The following LRRC4C variants were observed in gnomAD, a reference collection of about 807,000 sequenced individuals.
The protein encoded by LRRC4C is leucine rich repeat containing 4C.
A neutral mutation model predicts 33.6 loss-of-function variants in LRRC4C; 5 were observed. The ratio of observed to expected loss-of-function variants is 0.15; its 90% CI spans 0.08 to 0.31. LRRC4C has a LOEUF of 0.31. LRRC4C is among the 10% of genes least tolerant of loss of function. The pLI, the probability that LRRC4C is intolerant of heterozygous loss-of-function variation, is 1.00. For synonymous variants in LRRC4C, 329 were observed against 302.0 expected, an observed-to-expected ratio of 1.09 and a Z score of -0.93; for missense variants, 560 against 796.7, an observed-to-expected ratio of 0.70 and a Z score of 3.58.
rs143585047 is a variant in LRRC4C, at chr11:41,272,905, C to A, written c.-496+186526G>T. 5.2e-3 allele frequency among the ~76,000 whole-genome samples: 785 copies of A among 152,156 alleles called. 2 individuals carry two copies. The highest frequency in any genetic ancestry group is 7.8e-3 in the Non-Finnish European group (533 of 67,994). On this transcript the variant is annotated intron_variant, in intron 1 of 6. Transcript: ENST00000528697. ...AATATCTGTGACCAGCTGCATGAAG[C>A]AATTAAGAGTCACAGCCTGGCCAGT...
At chr11:40,696,327 A>G (rs919600875) in intron 2 of LRRC4C, among the ~76,000 whole-genome samples, 2 of 142,900 alleles carry the variant, frequency 1.4e-5, no homozygotes, top group Non-Finnish European at 3.0e-5. Context: ...TATATATATG[A>G]GTATATATAT....
chr11:40,428,234 T>A lies in LRRC4C; in HGVS notation c.-269-108513A>T, dbSNP rs150432072. The stretch of plus-strand genomic sequence containing the variant: ...TAATTGTCAGCCTTGGATTAGACAA[T>A]CTTGATTCCCTAAGCGGCTACACAG... On this transcript the variant is annotated intron_variant, in intron 3 of 6. Coordinates refer to ENST00000528697, the MANE Select transcript of LRRC4C (RefSeq NM_001258419.2). Among the ~76,000 whole-genome samples, 7 of 152,310 alleles carry A rather than the reference T, an allele frequency of 4.6e-5. No individual in the cohort carries two copies. The East Asian group carries it at 1.3e-3, about 29-fold the overall frequency.
chr11:40,943,577 A>C lies in LRRC4C; in HGVS notation c.-495-9854T>G, dbSNP rs564782924. On this transcript the variant is annotated intron_variant, in intron 1 of 6. Transcript: ENST00000528697. ...TTTGCCCCAAGAGAGGTTTTTATTC[A>C]GTTCATTTAGACAGAGTATTACAGC... 3.3e-5 allele frequency among the ~76,000 whole-genome samples: 5 copies of C among 152,286 alleles called. No homozygotes were observed. In the East Asian group the frequency reaches 9.6e-4, roughly 29 times the overall value.
chr11:40,443,829 A>C (rs1005940804), intron 3 of LRRC4C, among the ~76,000 whole-genome samples: 3 of 152,192 alleles, frequency 2.0e-5, no homozygotes, highest in African/African-American at 7.2e-5. Context: ...TGACATTCAC[A>C]TTTTGAGAGT....
At chr11:40,847,466 T>C (rs189308406) in intron 2 of LRRC4C, among the ~76,000 whole-genome samples, 1 of 152,334 alleles carries the variant, frequency 6.6e-6, no homozygotes, top group African/African-American at 2.4e-5. Context: ...TCTGCGTATG[T>C]TGAACCAGAC....
At chr11:40,860,446 AAATTAAGATGTCAGTGGAAACATGTTTC>A in intron 2 of LRRC4C, among the ~76,000 whole-genome samples, 1 of 145,294 alleles carries the variant, frequency 6.9e-6, no homozygotes, top group Non-Finnish European at 1.5e-5. Flanking sequence ...GTTTCCTCTG[AAATTAAGATGTCAGTGGAAACATGTTTC>A]CTCTGAAATC....
intron 3 of LRRC4C, among the ~76,000 whole-genome samples, chr11:40,546,031 A>C (rs910849484): frequency 2.0e-5 from 3 of 151,934 alleles, no homozygotes; most frequent in Admixed American, 2.0e-4. Flanking sequence ...TAAGAAAGCA[A>C]TATGTGTGCA....
intron 3 of LRRC4C, among the ~76,000 whole-genome samples, chr11:40,449,568 C>G (rs1385573874): frequency 2.6e-5 from 4 of 152,042 alleles, no homozygotes; most frequent in Non-Finnish European, 4.4e-5. Flanking sequence ...GGAAATTGTC[C>G]AAGGTCACTT....
intron 3 of LRRC4C, among the ~76,000 whole-genome samples, chr11:40,390,114 G>A (rs975833179): frequency 4.6e-5 from 7 of 152,058 alleles, no homozygotes; most frequent in Non-Finnish European, 5.9e-5. Context: ...TGATCTTATA[G>A]CTGACATGTT....
chr11:41,307,927 G>A (rs1950547207), intron 1 of LRRC4C, among the ~76,000 whole-genome samples: 1 of 152,164 alleles, frequency 6.6e-6, no homozygotes, highest in Admixed American at 6.5e-5. Flanking sequence ...GCAGACCTAA[G>A]AGAGACAGAG....
At chr11:40,409,714 T>C (rs1950086808) in intron 3 of LRRC4C, among the ~76,000 whole-genome samples, 1 of 151,724 alleles carries the variant, frequency 6.6e-6, no homozygotes, top group Non-Finnish European at 1.5e-5. Context: ...ATGGCCAACA[T>C]AAAAAAGATG....
At position 40,115,097 on chromosome 11, in the gene LRRC4C, T is replaced by G. The variant is rs149977458; in HGVS notation, c.1196A>C (p.Tyr399Ser). 254 of 1,614,236 alleles carry G rather than the reference T, an allele frequency of 1.6e-4. 1 individual carries two copies. Among genetic ancestry groups the G allele is most frequent in the Non-Finnish European group, 2.0e-4 (238 of 1,180,046 alleles). The stretch of plus-strand genomic sequence containing the variant: ...ACTGAGCACAGCTATCCGCACTTTG[T>G]ACGCCCCATGTGTCATGACTGTTCC... ...PNGTVMTHGA[Y>S]KVRIAVLSDG... The change falls in exon 7 of 7, where the codon TAC becomes TCC. Residue 399 changes from tyrosine to serine, a missense_variant. Around this residue, in one of 3 missense-constraint regions of LRRC4C, gnomAD observed 455 missense variants for 643.8 expected, o/e 0.71. Transcript: ENST00000528697. This position sits in a 1 kb window ranked among gnomAD's most constrained non-coding sequence, Gnocchi z 6.7.
intron 1 of LRRC4C, among the ~76,000 whole-genome samples, chr11:41,101,965 G>A (rs1941214393): frequency 6.6e-6 from 1 of 151,898 alleles, no homozygotes; most frequent in Non-Finnish European, 1.5e-5. Flanking sequence ...AAAGCAACAG[G>A]CACTGGGGCC....
chr11:40,451,251 G>GAAA (rs1951869166), intron 3 of LRRC4C, among the ~76,000 whole-genome samples: 1 of 139,430 alleles, frequency 7.2e-6, no homozygotes, highest in South Asian at 2.3e-4. Context: ...CTAGAAAACA[G>GAAA]AAAAAAATTG....
At chr11:40,389,480 A>AAG (rs1949252714) in intron 3 of LRRC4C, among the ~76,000 whole-genome samples, 1 of 122,568 alleles carries the variant, frequency 8.2e-6, no homozygotes, top group Non-Finnish European at 1.8e-5. Flanking sequence ...AAAAAAAAAA[A>AAG]TAATCAAAAA....
chr11:40,672,661 G>A (rs954852546), intron 2 of LRRC4C, among the ~76,000 whole-genome samples: 3 of 152,050 alleles, frequency 2.0e-5, no homozygotes, highest in Admixed American at 6.6e-5. Context: ...AACTTCCTTC[G>A]ATATGCCTTA....
intron 1 of LRRC4C, among the ~76,000 whole-genome samples, chr11:41,018,909 T>G (rs1855770879): frequency 6.6e-6 from 1 of 152,164 alleles, no homozygotes; most frequent in African/African-American, 2.4e-5. Context: ...ATTTATATGC[T>G]GTAAAATTTA....
chr11:41,043,931 G>T (rs1256240461), intron 1 of LRRC4C, among the ~76,000 whole-genome samples: 1 of 151,438 alleles, frequency 6.6e-6, no homozygotes, highest in Non-Finnish European at 1.5e-5. Flanking sequence ...CTATTTGATG[G>T]ACAAAAACAT....
At chr11:40,820,933 G>A (rs1951904208) in intron 2 of LRRC4C, among the ~76,000 whole-genome samples, 1 of 151,408 alleles carries the variant, frequency 6.6e-6, no homozygotes, top group Non-Finnish European at 1.5e-5. Context: ...AAGTCCACTG[G>A]AACAAACAAA....
Sources: gnomAD v4.1 joint callset for allele counts (sites outside exome capture counted in the v4.1 genomes callset) on GRCh38, gnomAD v4.1.1 for gene constraint, gnomAD v4.1.1 regional missense constraint, Gnocchi (gnomAD v3.1) non-coding constraint, MANE v1.5 for transcripts, NCBI Gene and HGNC (gene_info 2026-07-23, HGNC 2026-07-21) for gene names.